TDRD7: variants seen among roughly 807,000 people sequenced by gnomAD.
The protein encoded by TDRD7 is tudor domain-containing protein 7.
Under a neutral mutation model 109.8 loss-of-function variants are expected in TDRD7, and 47 were observed. The ratio of observed to expected loss-of-function variants is 0.43; its 90% confidence interval spans 0.34 to 0.55. TDRD7 has a LOEUF of 0.55. Among genes scored for constraint, TDRD7 ranks in the 20% least tolerant of loss-of-function variants. The pLI is 0.03. For synonymous variants in TDRD7, 424 were observed against 457.3 expected, an observed-to-expected ratio of 0.93 and a Z score of 0.93; for missense variants, 1,164 against 1,319.2, an observed-to-expected ratio of 0.88 and a Z score of 1.82.
At chr9:97,476,985 T>C (rs1829033116) in intron 12 of TDRD7, among the ~76,000 whole-genome samples, 1 of 151,864 alleles carries the variant, frequency 6.6e-6, no homozygotes, top group South Asian at 2.1e-4. Flanking sequence ...TCGGGTCATA[T>C]GACCAAGGGG....
At chr9:97,432,955 A>G (rs945274196) in intron 4 of TDRD7, among the ~76,000 whole-genome samples, 17 of 152,140 alleles carry the variant, frequency 1.1e-4, no homozygotes, top group Non-Finnish European at 1.9e-4. Context: ...GCTTTTGCAA[A>G]ATAGTGGCAG....
Position 97,455,209 on chromosome 9 carries a change from G to A in TDRD7, c.856-4969G>A, listed in dbSNP as rs147711660. ...ATAGCCTACCAACCAAAAAAAGCCC[G>A]GGCCCAGGTGGATTCACAGCTGAAT... On this transcript the variant is annotated intron_variant, in intron 6 of 16. Transcript: ENST00000355295. Among the ~76,000 whole-genome samples the A allele has an allele frequency of 8.2e-3, 1,247 of 152,110 alleles. 14 individuals carry two copies. The highest frequency in any genetic ancestry group is 0.028 in the African/African-American group (1,142 of 41,484).
At chr9:97,495,607 A>G in intron 16 of TDRD7, 56 bp from the exon 17 acceptor site, 2 of 1,523,846 alleles carry the variant, frequency 1.3e-6, no homozygotes, top group South Asian at 1.1e-5. Context: ...ATAATGGATC[A>G]AAGAAAAGCT....
In TDRD7 at chr9:97,475,364, A is replaced by G. The variant is rs1166281796; in HGVS notation, c.2080-19A>G. ...CTTTGCTAAGAGTAATAAGAGTATCATGCATTTCTGTTTTGCAGCACATGA... is the reference window on the plus strand; with the variant it reads ...CTTTGCTAAGAGTAATAAGAGTATCGTGCATTTCTGTTTTGCAGCACATGA... On this transcript the variant is annotated intron_variant, in intron 11 of 16. Coordinates refer to ENST00000355295, the MANE Select transcript of TDRD7 (RefSeq NM_014290.3). 2 of 1,582,282 alleles carry G rather than the reference A, an allele frequency of 1.3e-6. No homozygotes were observed. Among genetic ancestry groups the G allele is most frequent in the Non-Finnish European group, 1.7e-6 (2 of 1,151,548 alleles).
chr9:97,430,907 C>A, intron 2 of TDRD7, 26 bp from the exon 3 acceptor site: 1 of 1,613,482 alleles, frequency 6.2e-7, no homozygotes, highest in East Asian at 2.2e-5. Flanking sequence ...AAATGTTTCT[C>A]CTCTTACCCT....
chr9:97,458,739 C>T (rs996493653), intron 6 of TDRD7, among the ~76,000 whole-genome samples: 4 of 152,164 alleles, frequency 2.6e-5, no homozygotes, highest in East Asian at 1.9e-4. Context: ...ATATTAATAT[C>T]GTTCACTTCC....
chr9:97,426,028 C>T (rs768784097), intron 1 of TDRD7, among the ~76,000 whole-genome samples: 3 of 151,980 alleles, frequency 2.0e-5, no homozygotes, highest in African/African-American at 4.8e-5. Flanking sequence ...TGTATCTAAA[C>T]GTAGAAAAGA....
Position 97,472,398 on chromosome 9 carries a change from T to G in TDRD7, c.1847T>G (p.Leu616Arg). ...VEILDKADIP[L>R]VVLYDTSGED... ...ATACTTGACAAAGCTGACATTCCAC[T>G]TGTTGTTCTGTACGATACCTCAGGA... The change falls in exon 10 of 17, where the codon CTT (leucine) becomes CGT (arginine). Residue 616 changes from leucine to arginine, a missense_variant. Physicochemically the swap from Leu to Arg is moderately radical, Grantham distance 102. Transcript: ENST00000355295. 1.9e-6 allele frequency: 3 copies of G among 1,613,970 alleles called. No individual in the cohort carries two copies. The South Asian group carries it at 3.3e-5, about 18-fold the overall frequency.
chr9:97,470,421 C>A (rs1000675456), intron 8 of TDRD7, 137 bp from the exon 9 acceptor site: 3 of 765,804 alleles, frequency 3.9e-6, no homozygotes, highest in Admixed American at 2.2e-5. Flanking sequence ...GTCAGGGGCA[C>A]CTCCCCAGCT....
intron 5 of TDRD7, among the ~76,000 whole-genome samples, chr9:97,441,153 G>C (rs1828296494): frequency 6.6e-6 from 1 of 151,952 alleles, no homozygotes; most frequent in Non-Finnish European, 1.5e-5. Flanking sequence ...CATTAATAAA[G>C]GTGAAAATTG....
At chr9:97,460,140 C>T in intron 6 of TDRD7, 38 bp from the exon 7 acceptor site, 1 of 1,579,002 alleles carries the variant, frequency 6.3e-7, no homozygotes, top group Non-Finnish European at 8.7e-7. Context: ...TTTATAGTCA[C>T]TGAAATATCT....
Position 97,484,604 on chromosome 9 carries a change from A to G in TDRD7, c.2915+1253A>G, listed in dbSNP as rs115736147. On this transcript the variant is annotated intron_variant, in intron 15 of 16. Transcript: ENST00000355295. ...AAAGTTTTGTCATTTTCATGGGAGA[A>G]AAAAACTAATTTTTAACTCTCAGTG... Among the ~76,000 whole-genome samples, 1,406 of 152,316 alleles carry G rather than the reference A, an allele frequency of 9.2e-3. 18 individuals are homozygous for G. The highest frequency in any genetic ancestry group is 0.032 in the African/African-American group (1,344 of 41,564).
intron 16 of TDRD7, among the ~76,000 whole-genome samples, chr9:97,491,417 C>G (rs866827370): frequency 1.3e-5 from 2 of 152,208 alleles, no homozygotes; most frequent in South Asian, 2.1e-4. Flanking sequence ...CTTGCTCAGT[C>G]TCTTCAAACT....
intron 6 of TDRD7, among the ~76,000 whole-genome samples, chr9:97,451,011 TTTCA>T (rs1828480691): frequency 1.3e-5 from 2 of 151,930 alleles, no homozygotes; most frequent in Non-Finnish European, 2.9e-5. Flanking sequence ...GGGTTGGGAC[TTTCA>T]GCCCCAACCA....
intron 13 of TDRD7, among the ~76,000 whole-genome samples, chr9:97,479,917 C>T (rs887649258): frequency 6.6e-6 from 1 of 152,122 alleles, no homozygotes; most frequent in Non-Finnish European, 1.5e-5. Flanking sequence ...CTCTGCTGGC[C>T]CCATCGGGTC....
rs1457009230 is a variant in TDRD7 at position 97,432,060 on chromosome 9, G to T, written c.385G>T (p.Ala129Ser). ...AGCAACCCTCAGACAACCAGGATTTGCTTCAAATTTTTCTGTTGGCAAAAA... is the reference window on the plus strand; with the variant it reads ...AGCAACCCTCAGACAACCAGGATTTTCTTCAAATTTTTCTGTTGGCAAAAA... ...PKATLRQPGFASNFSVGKKPN... is the reference protein window; with the variant it reads ...PKATLRQPGFSSNFSVGKKPN... Residue 129 changes from alanine (A) to serine (S), a missense_variant, in exon 4 of 17, where the codon GCT becomes TCT. Ala to Ser is a moderately conservative substitution (Grantham distance 99). This residue lies in a region of TDRD7 where 407 missense variants were observed against 394.0 expected (regional missense o/e 1.03). Transcript: ENST00000355295. The T allele has an allele frequency of 1.4e-5, 23 of 1,613,666 alleles. No homozygotes were observed. Among genetic ancestry groups the T allele is most frequent in the Non-Finnish European group, 1.8e-5 (21 of 1,179,788 alleles).
At chr9:97,440,653 G>A (rs1343576920) in intron 5 of TDRD7, among the ~76,000 whole-genome samples, 1 of 152,140 alleles carries the variant, frequency 6.6e-6, no homozygotes, top group Admixed American at 6.6e-5. Flanking sequence ...TCAAGGAATA[G>A]CTCACTCTGG....
intron 15 of TDRD7, among the ~76,000 whole-genome samples, chr9:97,486,331 A>G (rs745612179): frequency 2.6e-5 from 4 of 152,128 alleles, no homozygotes; most frequent in Admixed American, 6.5e-5. Flanking sequence ...GTGATCTTTC[A>G]TTATTAACCT....
intron 4 of TDRD7, among the ~76,000 whole-genome samples, chr9:97,434,035 A>G (rs1028878184): frequency 3.9e-5 from 6 of 152,214 alleles, no homozygotes; most frequent in Admixed American, 6.5e-5. Context: ...AAATCCGTAT[A>G]TCAGTTGAAG....
Sources: allele counts gnomAD v4.1 joint callset (sites outside exome capture counted in the v4.1 genomes callset), GRCh38; gene constraint gnomAD v4.1.1; regional missense constraint gnomAD v4.1.1; transcripts MANE v1.5; gene names NCBI Gene and HGNC (gene_info 2026-07-23, HGNC 2026-07-21).